Variants in AGBL4 observed in about 807,000 individuals in gnomAD.
AGBL4 encodes AGBL carboxypeptidase 4, also known as cytosolic carboxypeptidase 6.
In AGBL4, 58 loss-of-function variants were observed where a neutral mutation model predicts 66.4. The observed-to-expected ratio is 0.87, with a 90% CI of 0.71 to 1.09. The LOEUF is 1.09. Ranked by LOEUF, AGBL4 falls within the 50% of genes least tolerant of loss-of-function variation. The probability of loss-of-function intolerance (pLI) is 0.00; values close to 1 mark genes in which losing one functional copy is unlikely to be tolerated. For synonymous variants in AGBL4, 234 were observed against 222.9 expected, an observed-to-expected ratio of 1.05 and a Z score of -0.44; for missense variants, 579 against 631.0, an observed-to-expected ratio of 0.92 and a Z score of 0.88.
At chr1:49,940,634 A>T (rs1654652142) in intron 1 of AGBL4, among the ~76,000 whole-genome samples, 3 of 151,198 alleles carry the variant, frequency 2.0e-5, no homozygotes, top group South Asian at 2.1e-4. Flanking sequence ...TCTCACTCAT[A>T]GGTGGGAATT....
intron 5 of AGBL4, among the ~76,000 whole-genome samples, chr1:48,926,960 T>A (rs191945982): frequency 1.3e-5 from 2 of 152,120 alleles, no homozygotes; most frequent in African/African-American, 4.8e-5. Context: ...AGAGCAGGAG[T>A]AATGGCTGAG....
intron 6 of AGBL4, among the ~76,000 whole-genome samples, chr1:48,718,547 C>T (rs562295478): frequency 6.6e-6 from 1 of 152,288 alleles, no homozygotes; most frequent in African/African-American, 2.4e-5. Flanking sequence ...ATATCCAGGG[C>T]CAGGTGCTTC....
chr1:49,793,068 A>G (rs1644641962), intron 2 of AGBL4, among the ~76,000 whole-genome samples: 1 of 152,022 alleles, frequency 6.6e-6, no homozygotes, highest in Non-Finnish European at 1.5e-5. Context: ...ATGGAAGTCC[A>G]TTACTCTCTA....
At chr1:48,758,900 C>T in intron 6 of AGBL4, 1 of 1,511,040 alleles carries the variant, frequency 6.6e-7, no homozygotes, top group Non-Finnish European at 8.8e-7. Flanking sequence ...GGGCACTCAC[C>T]GCTGCCAAGC....
intron 3 of AGBL4, among the ~76,000 whole-genome samples, chr1:49,628,378 G>A (rs1312659555): frequency 6.6e-6 from 1 of 152,112 alleles, no homozygotes; most frequent in East Asian, 1.9e-4. Context: ...AAGCATATAT[G>A]CCAGAGCATA....
At chr1:49,236,404 AC>A (rs1391318499) in intron 4 of AGBL4, among the ~76,000 whole-genome samples, 1 of 152,046 alleles carries the variant, frequency 6.6e-6, no homozygotes, top group Admixed American at 6.6e-5. Context: ...GTGTCTTCTC[AC>A]CCCTCATTCA....
intron 3 of AGBL4, among the ~76,000 whole-genome samples, chr1:49,612,549 C>T (rs1282258627): frequency 6.6e-6 from 1 of 151,922 alleles, no homozygotes; most frequent in Non-Finnish European, 1.5e-5. Context: ...ACTAATAATC[C>T]AATTAAAAAG....
intron 3 of AGBL4, among the ~76,000 whole-genome samples, chr1:49,512,099 G>A (rs947722116): frequency 6.6e-6 from 1 of 151,936 alleles, no homozygotes; most frequent in South Asian, 2.1e-4. Flanking sequence ...TATTCGAGAA[G>A]TGTCTTTAGA....
At chr1:50,016,540 TG>T (rs1295806998) in intron 1 of AGBL4, among the ~76,000 whole-genome samples, 1 of 152,140 alleles carries the variant, frequency 6.6e-6, no homozygotes, top group Non-Finnish European at 1.5e-5. Context: ...CCATCTTAGG[TG>T]ACAGAGTGTG....
intron 6 of AGBL4, among the ~76,000 whole-genome samples, chr1:48,836,335 T>C (rs959446785): frequency 1.3e-5 from 2 of 148,762 alleles, no homozygotes; most frequent in Non-Finnish European, 3.0e-5. Context: ...CTGCAAACCA[T>C]AGGATTAGGT....
At chr1:48,960,568 T>C (rs1295591611) in intron 5 of AGBL4, among the ~76,000 whole-genome samples, 1 of 151,956 alleles carries the variant, frequency 6.6e-6, no homozygotes, top group African/African-American at 2.4e-5. Context: ...AATCTAGAGA[T>C]CAAGGGAATG....
chr1:49,225,855 G>A (rs1649871176), intron 4 of AGBL4, among the ~76,000 whole-genome samples: 1 of 152,144 alleles, frequency 6.6e-6, no homozygotes, highest in Admixed American at 6.5e-5. Flanking sequence ...AGTAGTGTCT[G>A]AGCTACAGTA....
At chr1:48,881,919 A>C (rs1165367743) in intron 5 of AGBL4, among the ~76,000 whole-genome samples, 2 of 152,154 alleles carry the variant, frequency 1.3e-5, no homozygotes, top group African/African-American at 4.8e-5. Context: ...AGGCTTTGAG[A>C]AAAGAGAGCC....
At chr1:48,694,403 CA>C (rs1358378992) in intron 6 of AGBL4, among the ~76,000 whole-genome samples, 1 of 152,138 alleles carries the variant, frequency 6.6e-6, no homozygotes, top group Admixed American at 6.5e-5. Context: ...GCTATGTGTG[CA>C]AATTAACTTC....
intron 9 of AGBL4, among the ~76,000 whole-genome samples, chr1:48,604,336 G>C (rs187607757): frequency 6.6e-6 from 1 of 152,210 alleles, no homozygotes; most frequent in Non-Finnish European, 1.5e-5. Context: ...ATAAGTTTGA[G>C]CTGTATGTTT....
chr1:49,618,221 A>G (rs1372525271), intron 3 of AGBL4, among the ~76,000 whole-genome samples: 1 of 152,140 alleles, frequency 6.6e-6, no homozygotes, highest in Non-Finnish European at 1.5e-5. Flanking sequence ...TCCACGGTAT[A>G]CCTGTGCCAC....
chr1:49,306,928 G>A (rs983646665), intron 3 of AGBL4, among the ~76,000 whole-genome samples: 1 of 152,110 alleles, frequency 6.6e-6, no homozygotes, highest in African/African-American at 2.4e-5. Context: ...ATGAGAAAGT[G>A]GAGGCTAAGA....
intron 5 of AGBL4, among the ~76,000 whole-genome samples, chr1:48,868,341 G>A (rs1377102410): frequency 6.6e-6 from 1 of 152,158 alleles, no homozygotes; most frequent in Admixed American, 6.5e-5. Flanking sequence ...TAAGCAGAAA[G>A]GGGAAGGCAG....
intron 2 of AGBL4, among the ~76,000 whole-genome samples, chr1:49,828,731 G>T (rs980819791): frequency 6.6e-6 from 1 of 152,138 alleles, no homozygotes; most frequent in Non-Finnish European, 1.5e-5. Flanking sequence ...AATATTTCTG[G>T]GTACTGTGTA....
Sources: allele counts gnomAD v4.1 joint callset (sites outside exome capture counted in the v4.1 genomes callset), GRCh38; gene constraint gnomAD v4.1.1; transcripts MANE v1.5; gene names NCBI Gene and HGNC (gene_info 2026-07-23, HGNC 2026-07-21).